BTG3: variants seen among roughly 807,000 people sequenced by gnomAD.
BTG3 encodes protein BTG3.
Under a neutral mutation model 25.8 loss-of-function variants are expected in BTG3, and 4 were observed. The observed-to-expected ratio is 0.16, with a 90% confidence interval of 0.08 to 0.36. BTG3 has a LOEUF of 0.36. BTG3 is among the 10% of genes least tolerant of loss of function. The probability of loss-of-function intolerance (pLI) is 1.00; values close to 1 mark genes in which losing one functional copy is unlikely to be tolerated. For synonymous variants in BTG3, 107 were observed against 99.9 expected (o/e 1.07, Z -0.42); for missense variants, 201 against 304.9 (o/e 0.66, Z 2.54).
intron 4 of BTG3, among the ~76,000 whole-genome samples, chr21:17,596,800 G>A (rs1031690879): frequency 6.6e-5 from 10 of 151,998 alleles, no homozygotes; most frequent in African/African-American, 2.4e-4. Flanking sequence ...CATTGATACT[G>A]AATTGGATCT....
chr21:17,594,418 TACCC>T, intron 4 of BTG3, 86 bp from the exon 5 acceptor site: 2 of 1,328,736 alleles, frequency 1.5e-6, no homozygotes, highest in East Asian at 4.8e-5. Flanking sequence ...CAAACAAAGT[TACCC>T]ACAACACTGA....
At chr21:17,598,517 A>C (rs2061532047) in intron 4 of BTG3, 100 bp downstream of exon 4, 1 of 989,630 alleles carries the variant, frequency 1.0e-6, no homozygotes, top group Admixed American at 2.7e-5. Flanking sequence ...ATTATCCAGA[A>C]TCTCAAGTCA....
At chr21:17,595,686 A>G (rs564735146) in intron 4 of BTG3, among the ~76,000 whole-genome samples, 31 of 151,978 alleles carry the variant, frequency 2.0e-4, no homozygotes, top group Non-Finnish European at 3.4e-4. Flanking sequence ...GTCTCTTACT[A>G]TTAAAAAAAC....
chr21:17,607,734 TAA>T (rs1035170713), intron 2 of BTG3, among the ~76,000 whole-genome samples: 1 of 152,204 alleles, frequency 6.6e-6, no homozygotes, highest in Admixed American at 6.5e-5. Flanking sequence ...TATACACAAA[TAA>T]AAGAGTATTT....
Position 17,604,165 on chromosome 21 carries a change from C to T in BTG3, c.311+695G>A, listed in dbSNP as rs369677487. The T allele has an allele frequency of 7.1e-5, 91 of 1,276,450 alleles. No individual in the cohort carries two copies. In the Middle Eastern group the frequency reaches 2.5e-3, roughly 35 times the overall value. 79.1% of individuals were successfully genotyped at this position (1,276,450 alleles called of 1,614,324 possible). On this transcript the variant is annotated intron_variant, in intron 3 of 4. Transcript: ENST00000348354. ...CTTACATAATCAAAAAGGAGGAGGCCGGGCGCAGTGGCTCACGCCTGTAAT... is the reference window on the plus strand; with the variant it reads ...CTTACATAATCAAAAAGGAGGAGGCTGGGCGCAGTGGCTCACGCCTGTAAT...
chr21:17,596,898 C>T (rs1442741545), intron 4 of BTG3, among the ~76,000 whole-genome samples: 1 of 151,986 alleles, frequency 6.6e-6, no homozygotes, highest in African/African-American at 2.4e-5. Context: ...CTTGGGATAC[C>T]TTTTAGAAAA....
chr21:17,594,506 G>A (rs747791396), intron 4 of BTG3, among the ~76,000 whole-genome samples, 174 bp from the exon 5 acceptor site: 2 of 152,008 alleles, frequency 1.3e-5, no homozygotes, highest in Non-Finnish European at 2.9e-5. Flanking sequence ...GGCGTATAAT[G>A]TATAACAGGT....
chr21:17,596,657 T>C (rs1019536386), intron 4 of BTG3, among the ~76,000 whole-genome samples: 3 of 152,084 alleles, frequency 2.0e-5, no homozygotes, highest in African/African-American at 7.2e-5. Context: ...ATTTGTATGT[T>C]TTTAAACCAT....
At chr21:17,610,973 G>GA (rs2061713135) in intron 1 of BTG3, among the ~76,000 whole-genome samples, 1 of 152,128 alleles carries the variant, frequency 6.6e-6, no homozygotes, top group Non-Finnish European at 1.5e-5. Flanking sequence ...ATAGCCTGAT[G>GA]GAGGGGAAGG....
chr21:17,605,207 C>G, intron 2 of BTG3: 1 of 491,416 alleles, frequency 2.0e-6, no homozygotes, highest in Non-Finnish European at 3.5e-6. Flanking sequence ...CTATGTGAGC[C>G]CAAGGAAATC....
chr21:17,602,386 A>G (rs1231087164), intron 3 of BTG3, among the ~76,000 whole-genome samples: 2 of 152,172 alleles, frequency 1.3e-5, no homozygotes, highest in Non-Finnish European at 2.9e-5. Flanking sequence ...CTTAGTCTCT[A>G]GTATACCAAT....
rs188105265 is a variant in BTG3, at chr21:17,600,868, A to G, written c.312-2044T>C. On this transcript the variant is annotated intron_variant, in intron 3 of 4. Transcript: ENST00000348354. ...GTATTCTTTTTTAGTTTACCTCATA[A>G]AAGTTGCTACAGGGGCTGGGCGCGG... Among the ~76,000 whole-genome samples, 561 of 152,212 alleles carry G rather than the reference A, an allele frequency of 3.7e-3. 2 individuals carry two copies. Among genetic ancestry groups the G allele is most frequent in the Non-Finnish European group, 5.6e-3 (380 of 68,002 alleles).
intron 3 of BTG3, chr21:17,599,040 T>C: frequency 2.4e-6 from 1 of 421,648 alleles, no homozygotes; most frequent in East Asian, 3.6e-5. Flanking sequence ...TTCATAAACA[T>C]AACCCCATTT....
chr21:17,596,211 T>C (rs1200202635), intron 4 of BTG3, among the ~76,000 whole-genome samples: 1 of 152,020 alleles, frequency 6.6e-6, no homozygotes, highest in Non-Finnish European at 1.5e-5. Context: ...ATATATGTAA[T>C]GAGAATATTT....
At chr21:17,606,624 G>A (rs2061646406) in intron 2 of BTG3, among the ~76,000 whole-genome samples, 1 of 152,026 alleles carries the variant, frequency 6.6e-6, no homozygotes, top group African/African-American at 2.4e-5. Flanking sequence ...TATAAATATA[G>A]ATGCTTAAAC....
At chr21:17,600,957 T>C (rs555599590) in intron 3 of BTG3, among the ~76,000 whole-genome samples, 1 of 152,206 alleles carries the variant, frequency 6.6e-6, no homozygotes, top group African/African-American at 2.4e-5. Flanking sequence ...AGGTCAGGCG[T>C]TCGAGGCCAG....
In BTG3 at chr21:17,596,892, G is replaced by C. The variant is rs1436345687; in HGVS notation, c.519+1725C>G. Among the ~76,000 whole-genome samples the C allele has an allele frequency of 2.6e-5, 4 of 151,712 alleles. No homozygotes were observed. The East Asian group carries it at 5.8e-4, about 22-fold the overall frequency. On this transcript the variant is annotated intron_variant, in intron 4 of 4. Transcript: ENST00000348354. ...GAATAATTCTTTATCCCCTCTCTTG[G>C]GATACCTTTTAGAAAACAGTAGAGA...
At chr21:17,605,390 A>G (rs1202499022) in intron 2 of BTG3, among the ~76,000 whole-genome samples, 1 of 152,208 alleles carries the variant, frequency 6.6e-6, no homozygotes, top group Admixed American at 6.5e-5. Flanking sequence ...AATGTTTCAG[A>G]TGGTATTTGG....
intron 4 of BTG3, 136 bp from the exon 5 acceptor site, chr21:17,594,468 A>G (rs2061478034): frequency 9.8e-7 from 1 of 1,025,356 alleles, no homozygotes. Context: ...TGTCAGGTCT[A>G]AATACATTAA....
Sources: allele counts gnomAD v4.1 joint callset (sites outside exome capture counted in the v4.1 genomes callset), GRCh38; gene constraint gnomAD v4.1.1; transcripts MANE v1.5; gene names NCBI Gene and HGNC (gene_info 2026-07-23, HGNC 2026-07-21).